The following SIK2 variants were observed in gnomAD, a reference collection of about 807,000 sequenced individuals.
SIK2 encodes salt inducible kinase 2.
A neutral mutation model predicts 103.2 loss-of-function variants in SIK2; 29 were observed. The observed-to-expected ratio is 0.28, with a 90% CI of 0.21 to 0.38. SIK2 has a LOEUF of 0.38. Among genes scored for constraint, SIK2 ranks in the 10% least tolerant of loss-of-function variants. SIK2 has a pLI of 1.00. For synonymous variants in SIK2, 412 were observed against 446.1 expected, an observed-to-expected ratio of 0.92 and a Z score of 0.96; for missense variants, 879 against 1,171.0, an observed-to-expected ratio of 0.75 and a Z score of 3.64.
Position 111,722,661 on chromosome 11 carries a change from C to T in SIK2, c.2056-4C>T, listed in dbSNP as rs1420312034. 1.9e-6 allele frequency: 3 copies of T among 1,613,118 alleles called. No homozygotes were observed. Among genetic ancestry groups the T allele is most frequent in the South Asian group, 1.1e-5 (1 of 90,910 alleles). ...ACGCTCATGTTGTTTTTCTGCTCTT[C>T]CAGAAGCCCAGCCTTCTGTCAAAGG... On this transcript the variant is annotated splice_polypyrimidine_tract_variant and splice_region_variant and intron_variant, in intron 13 of 14. Coordinates refer to ENST00000304987, the MANE Select transcript of SIK2 (RefSeq NM_015191.3). The surrounding 1 kb of genome is among the most constrained non-coding windows in gnomAD (Gnocchi z 4.4).
intron 3 of SIK2, among the ~76,000 whole-genome samples, chr11:111,686,992 C>T (rs1193818401): frequency 6.6e-6 from 1 of 152,138 alleles, no homozygotes; most frequent in Non-Finnish European, 1.5e-5. Flanking sequence ...AACAGTGTTT[C>T]AGAAAAGATG....
chr11:111,612,605 A>G (rs1364627451), intron 1 of SIK2, among the ~76,000 whole-genome samples: 1 of 152,128 alleles, frequency 6.6e-6, no homozygotes, highest in African/African-American at 2.4e-5. Flanking sequence ...AAAATCACCC[A>G]TGAAGATCCC....
chr11:111,656,272 T>C (rs1231458193), intron 3 of SIK2, among the ~76,000 whole-genome samples: 1 of 152,154 alleles, frequency 6.6e-6, no homozygotes, highest in Non-Finnish European at 1.5e-5. Flanking sequence ...TGGACCAAGA[T>C]AGAGTTGGCC....
At chr11:111,675,682 GA>G (rs1306146908) in intron 3 of SIK2, among the ~76,000 whole-genome samples, 1 of 152,316 alleles carries the variant, frequency 6.6e-6, no homozygotes, top group East Asian at 1.9e-4. Flanking sequence ...AAGCTTCATT[GA>G]AAAATTGTTC....
chr11:111,623,152 A>G (rs1047137040), intron 3 of SIK2, among the ~76,000 whole-genome samples: 2 of 152,158 alleles, frequency 1.3e-5, no homozygotes, highest in African/African-American at 4.8e-5. Flanking sequence ...CTTTAAATTC[A>G]CGAATCTTTT....
chr11:111,668,363 A>G (rs1001591887), intron 3 of SIK2, among the ~76,000 whole-genome samples: 6 of 152,152 alleles, frequency 3.9e-5, no homozygotes, highest in Non-Finnish European at 5.9e-5. Flanking sequence ...TTTGATAGAT[A>G]TTTGTTTTCT....
chr11:111,700,739 G>A (rs764273809), intron 4 of SIK2, 147 bp from the exon 5 acceptor site: 49 of 918,320 alleles, frequency 5.3e-5, no homozygotes, highest in Non-Finnish European at 4.5e-5. Context: ...TAATGCCAGG[G>A]AAACATCACA....
chr11:111,614,080 C>T (rs916159650), intron 1 of SIK2, among the ~76,000 whole-genome samples: 2 of 124,510 alleles, frequency 1.6e-5, no homozygotes, highest in African/African-American at 5.1e-5. Context: ...TTTGACTCTC[C>T]CCCCATTTTT....
chr11:111,660,855 T>C (rs1473935112), intron 3 of SIK2, among the ~76,000 whole-genome samples: 1 of 149,172 alleles, frequency 6.7e-6, no homozygotes, highest in African/African-American at 2.5e-5. Context: ...TTTTTTTTTT[T>C]TTTTTTTTTA....
intron 3 of SIK2, among the ~76,000 whole-genome samples, chr11:111,655,994 G>A (rs556746077): frequency 2.2e-4 from 32 of 148,308 alleles, no homozygotes; most frequent in African/African-American, 6.7e-4. Flanking sequence ...ACCAGCCTGG[G>A]CAACACAACC....
chr11:111,703,326 C>A lies in SIK2; in HGVS notation c.851C>A (p.Pro284Gln), dbSNP rs1019595092. 24 of 1,614,044 alleles carry A rather than the reference C, an allele frequency of 1.5e-5. No homozygotes were observed. The highest frequency in any genetic ancestry group is 1.7e-5 in the Non-Finnish European group (20 of 1,180,026). ...EVPVQRPVLY[P>Q]QEQENEPSIG... ...CCTGTCCAGAGACCTGTTCTCTATC[C>A]ACAAGAGCAAGAAAATGAGCCATCC... Residue 284 changes from proline to glutamine, a missense_variant, in exon 7 of 15, where the codon CCA becomes CAA. Pro to Gln is a moderately conservative substitution (Grantham distance 76). Transcript: ENST00000304987.
At chr11:111,604,722 G>A (rs562134796) in intron 1 of SIK2, among the ~76,000 whole-genome samples, 1 of 152,252 alleles carries the variant, frequency 6.6e-6, no homozygotes, top group South Asian at 2.1e-4. Flanking sequence ...TGTGTAAAAT[G>A]ATTTACGTTA....
At chr11:111,666,604 C>G (rs1454931029) in intron 3 of SIK2, among the ~76,000 whole-genome samples, 1 of 152,132 alleles carries the variant, frequency 6.6e-6, no homozygotes, top group Non-Finnish European at 1.5e-5. Context: ...TAAAATAAAT[C>G]TAGACACTTA....
intron 3 of SIK2, among the ~76,000 whole-genome samples, chr11:111,660,878 T>C (rs1942459201): frequency 6.9e-6 from 1 of 144,928 alleles, no homozygotes; most frequent in African/African-American, 2.5e-5. Flanking sequence ...TCTTGTTTTG[T>C]TTAAGAGATG....
At chr11:111,611,866 G>A (rs1239550463) in intron 1 of SIK2, among the ~76,000 whole-genome samples, 1 of 152,188 alleles carries the variant, frequency 6.6e-6, no homozygotes, top group Non-Finnish European at 1.5e-5. Flanking sequence ...GGGATATAGA[G>A]AGGAAGTTCC....
At chr11:111,619,824 C>T (rs1941858629) in intron 2 of SIK2, among the ~76,000 whole-genome samples, 1 of 152,044 alleles carries the variant, frequency 6.6e-6, no homozygotes, top group African/African-American at 2.4e-5. Flanking sequence ...AAGTATAGTA[C>T]AAGGAATATC....
intron 1 of SIK2, among the ~76,000 whole-genome samples, chr11:111,609,310 A>G (rs924239980): frequency 6.6e-6 from 1 of 152,148 alleles, no homozygotes; most frequent in Non-Finnish European, 1.5e-5. Flanking sequence ...CCACTATTAT[A>G]AAAGTCAAAT....
intron 3 of SIK2, among the ~76,000 whole-genome samples, chr11:111,628,988 T>C (rs557489372): frequency 4.6e-5 from 7 of 152,222 alleles, no homozygotes; most frequent in Admixed American, 2.0e-4. Flanking sequence ...GAAGTGATGA[T>C]GCCTATAAGG....
Position 111,722,323 on chromosome 11 carries a change from TAG to T in SIK2, c.2056-340_2056-339del, listed in dbSNP as rs1279962556. The stretch of plus-strand genomic sequence containing the variant: ...AAAAATCTTAAAAAGCGATAAAGCA[TAG>T]ATCCCGTAAAGGATGAATCATTCAT... On this transcript the variant is annotated intron_variant, in intron 13 of 14. Coordinates refer to ENST00000304987, the MANE Select transcript of SIK2 (RefSeq NM_015191.3). The surrounding 1 kb of genome is among the most constrained non-coding windows in gnomAD (Gnocchi z 4.4). 2.6e-5 allele frequency among the ~76,000 whole-genome samples: 4 copies of T among 152,256 alleles called. No homozygotes were observed. Among genetic ancestry groups the T allele is most frequent in the African/African-American group, 9.6e-5 (4 of 41,476 alleles).
Sources: allele counts gnomAD v4.1 joint callset (sites outside exome capture counted in the v4.1 genomes callset), GRCh38; gene constraint gnomAD v4.1.1; non-coding constraint Gnocchi (gnomAD v3.1); transcripts MANE v1.5; gene names NCBI Gene and HGNC (gene_info 2026-07-23, HGNC 2026-07-21).